MRPL45: variants seen among roughly 807,000 people sequenced by gnomAD.
MRPL45 encodes the protein large ribosomal subunit protein mL45.
A neutral mutation model predicts 38.1 loss-of-function variants in MRPL45; 20 were observed. The ratio of observed to expected loss-of-function variants is 0.53; its 90% CI spans 0.37 to 0.76. The LOEUF is 0.76. Among genes scored for constraint, MRPL45 ranks in the 30% least tolerant of loss-of-function variants. The pLI is 0.00. For missense variants in MRPL45, 337 were observed against 395.6 expected (o/e 0.85, Z 1.26); for synonymous variants, 105 against 128.8 (o/e 0.82, Z 1.25).
intron 1 of MRPL45, among the ~76,000 whole-genome samples, chr17:38,297,837 C>T (rs1195646989): frequency 6.6e-6 from 1 of 152,198 alleles, no homozygotes. Context: ...GTGGTTCACA[C>T]TTGTAATCCC....
chr17:38,303,769 C>A (rs1172067463), intron 3 of MRPL45, among the ~76,000 whole-genome samples: 1 of 151,786 alleles, frequency 6.6e-6, no homozygotes, highest in East Asian at 1.9e-4. Flanking sequence ...CTCTGTTGCC[C>A]AGGCTGGAGT....
Position 38,312,790 on chromosome 17 carries a change from G to A in MRPL45, c.462-5897G>A, listed in dbSNP as rs570643132. ...GCTCAGGGATTTTTGAGGCTGTGGT[G>A]AGCTATGATTGTGTCACTACACTCC... On this transcript the variant is annotated intron_variant, in intron 4 of 7. Coordinates refer to ENST00000613675, the MANE Select transcript of MRPL45 (RefSeq NM_032351.6). Among the ~76,000 whole-genome samples the A allele has an allele frequency of 9.2e-4, 140 of 151,476 alleles. No individual in the cohort carries two copies. The East Asian group carries it at 0.01, about 11-fold the overall frequency.
chr17:38,304,478 T>C (rs1294623679), intron 3 of MRPL45, among the ~76,000 whole-genome samples: 2 of 151,984 alleles, frequency 1.3e-5, no homozygotes, highest in Non-Finnish European at 2.9e-5. Context: ...CCTGTCTCAG[T>C]GAATGAATGA....
chr17:38,297,381 A>T, intron 1 of MRPL45, 132 bp downstream of exon 1: 1 of 841,590 alleles, frequency 1.2e-6, no homozygotes. Flanking sequence ...GAAGAGGCTT[A>T]GGTGGACAGG....
intron 4 of MRPL45, among the ~76,000 whole-genome samples, chr17:38,309,121 G>A (rs1018588604): frequency 2.7e-5 from 4 of 150,472 alleles, no homozygotes; most frequent in Admixed American, 2.6e-4. Context: ...TGGCCAGGCT[G>A]GTCTCGAACT....
rs2037045404 is a variant in MRPL45 at position 38,305,610 on chromosome 17, C to CA, written c.363-921dup. ...CAAGTATTCTCCTGCCTCAGCCTCCCAAGTAGCTGGGATTACAGACAGCAC... is the reference window on the plus strand; with the variant it reads ...CAAGTATTCTCCTGCCTCAGCCTCCCAAAGTAGCTGGGATTACAGACAGCAC... On this transcript the variant is annotated intron_variant, in intron 3 of 7. Coordinates refer to ENST00000613675, the MANE Select transcript of MRPL45 (RefSeq NM_032351.6). Among the ~76,000 whole-genome samples the CA allele has an allele frequency of 8.7e-5, 13 of 149,072 alleles. No individual in the cohort carries two copies. In the South Asian group the frequency reaches 2.8e-3, roughly 32 times the overall value.
At chr17:38,317,374 C>A (rs1023638767) in intron 4 of MRPL45, among the ~76,000 whole-genome samples, 1 of 152,094 alleles carries the variant, frequency 6.6e-6, no homozygotes, top group Non-Finnish European at 1.5e-5. Context: ...TAATCCCTTA[C>A]CCATTCTGGG....
chr17:38,309,879 C>T (rs931652139), intron 4 of MRPL45, among the ~76,000 whole-genome samples: 1 of 152,078 alleles, frequency 6.6e-6, no homozygotes, highest in African/African-American at 2.4e-5. Flanking sequence ...GCTTCTGCTC[C>T]ACTTTCTCGT....
At chr17:38,313,566 A>G (rs1263544258) in intron 4 of MRPL45, among the ~76,000 whole-genome samples, 1 of 149,756 alleles carries the variant, frequency 6.7e-6, no homozygotes, top group African/African-American at 2.5e-5. Context: ...GAAGTGTAGT[A>G]TCTCATTATG....
chr17:38,320,535 C>T (rs1373275008), intron 5 of MRPL45, 83 bp from the exon 6 acceptor site: 26 of 1,436,464 alleles, frequency 1.8e-5, no homozygotes, highest in Non-Finnish European at 2.4e-5. Context: ...TGTAGTCTTG[C>T]AGGAAGTGAG....
At chr17:38,319,618 A>G (rs2037210730) in intron 5 of MRPL45, among the ~76,000 whole-genome samples, 1 of 152,186 alleles carries the variant, frequency 6.6e-6, no homozygotes, top group Admixed American at 6.5e-5. Flanking sequence ...AACAAGCAGT[A>G]ATGACACTGC....
At chr17:38,316,312 A>T (rs1403721948) in intron 4 of MRPL45, among the ~76,000 whole-genome samples, 1 of 152,016 alleles carries the variant, frequency 6.6e-6, no homozygotes, top group Non-Finnish European at 1.5e-5. Context: ...TGAATTTTAA[A>T]ATTTATTGTA....
intron 4 of MRPL45, among the ~76,000 whole-genome samples, chr17:38,313,551 G>A (rs1030499825): frequency 2.0e-5 from 3 of 150,030 alleles, no homozygotes; most frequent in Admixed American, 6.7e-5. Flanking sequence ...CATCCTCATG[G>A]GTGTGAAGTG....
chr17:38,297,530 G>A lies in MRPL45; in HGVS notation c.66+281G>A, dbSNP rs570976910. ...AGATATTAAAGGAGAGACAAGTAAT[G>A]GGTTGGAAGGTGGACTCCCTAATCT... On this transcript the variant is annotated intron_variant, in intron 1 of 7. Transcript: ENST00000613675. Among the ~76,000 whole-genome samples, 9 of 152,230 alleles carry A rather than the reference G, an allele frequency of 5.9e-5. No homozygotes were observed. In the East Asian group the frequency reaches 1.5e-3, roughly 26 times the overall value.
At chr17:38,322,441 A>C in intron 7 of MRPL45, 68 bp from the exon 8 acceptor site, 2 of 1,297,676 alleles carry the variant, frequency 1.5e-6, no homozygotes, top group Non-Finnish European at 2.2e-6. Context: ...GGTGGGAGCA[A>C]GGGATGAAGC....
chr17:38,300,944 C>T (rs896093051), intron 3 of MRPL45, among the ~76,000 whole-genome samples: 1 of 151,978 alleles, frequency 6.6e-6, no homozygotes, highest in Middle Eastern at 3.4e-3. Flanking sequence ...GAAACTCTGT[C>T]TCAAAAAAAA....
In MRPL45 at chr17:38,320,661, T is replaced by C. The variant is rs1241811642; in HGVS notation, c.554T>C (p.Phe185Ser). 1.9e-6 allele frequency: 3 copies of C among 1,614,184 alleles called. No homozygotes were observed. Among genetic ancestry groups the C allele is most frequent in the East Asian group, 2.2e-5 (1 of 44,880 alleles). ...AAATATAAGACCGTCCGCTGGAGCT[T>C]TGTGGAATCTTTAGAGCCCTCTCAT... ...DIKYKTVRWS[F>S]VESLEPSHVV... is the part of the protein sequence containing the mutation. Residue 185 changes from phenylalanine to serine, a missense_variant, in exon 6 of 8, where the codon TTT (phenylalanine) becomes TCT (serine). Phe to Ser is a radical substitution (Grantham distance 155). Around this residue, in one of 3 missense-constraint regions of MRPL45, gnomAD observed 251 missense variants for 269.1 expected, o/e 0.93. Transcript: ENST00000613675.
At chr17:38,317,360 G>A (rs2037184157) in intron 4 of MRPL45, among the ~76,000 whole-genome samples, 2 of 152,256 alleles carry the variant, frequency 1.3e-5, no homozygotes, top group South Asian at 4.1e-4. Flanking sequence ...AGACATGTTA[G>A]AACTAATCCC....
intron 4 of MRPL45, among the ~76,000 whole-genome samples, chr17:38,317,031 C>T (rs545474953): frequency 7.9e-4 from 120 of 152,176 alleles, no homozygotes; most frequent in African/African-American, 2.2e-3. Context: ...CTCCTGACCT[C>T]GTGATCTGCC....
Sources: gnomAD v4.1 joint callset for allele counts (sites outside exome capture counted in the v4.1 genomes callset) on GRCh38, gnomAD v4.1.1 for gene constraint, gnomAD v4.1.1 regional missense constraint, MANE v1.5 for transcripts, NCBI Gene and HGNC (gene_info 2026-07-23, HGNC 2026-07-21) for gene names.